Variants in C1QTNF3 observed in about 807,000 individuals in gnomAD.
C1QTNF3 encodes the protein C1q and TNF related 3.
A neutral mutation model predicts 32.6 loss-of-function variants in C1QTNF3; 26 were observed. The observed-to-expected ratio is 0.80, with a 90% CI of 0.58 to 1.11. The LOEUF (loss-of-function observed/expected upper bound fraction) is 1.11, where lower values mean the gene tolerates loss of function less well. Among genes scored for constraint, C1QTNF3 ranks in the 50% least tolerant of loss-of-function variants. The pLI is 0.00. For missense variants in C1QTNF3, 362 were observed against 398.2 expected (o/e 0.91, Z 0.77); for synonymous variants, 155 against 146.0 (o/e 1.06, Z -0.44).
chr5:34,214,790 C>T, the C1QTNF3 span, among the ~76,000 whole-genome samples: 1 of 152,130 alleles, frequency 6.6e-6, no homozygotes. Context: ...ATTGTAAATG[C>T]ATTATAACTT....
chr5:34,037,817 G>A (rs1754778046), intron 1 of C1QTNF3, among the ~76,000 whole-genome samples: 1 of 152,116 alleles, frequency 6.6e-6, no homozygotes, highest in Non-Finnish European at 1.5e-5. Flanking sequence ...AAGACACCAC[G>A]GCACACCCCA....
At chr5:34,221,109 G>C in the C1QTNF3 span, among the ~76,000 whole-genome samples, 1 of 151,972 alleles carries the variant, frequency 6.6e-6, no homozygotes, top group Non-Finnish European at 1.5e-5. Context: ...TTTTTTCTTA[G>C]CTCTTGTAAA....
the C1QTNF3 span, among the ~76,000 whole-genome samples, chr5:34,202,771 G>A: frequency 1.3e-5 from 2 of 151,978 alleles, no homozygotes; most frequent in Non-Finnish European, 2.9e-5. Context: ...CATACTTTGG[G>A]AAGCATTGCA....
intron 4 of C1QTNF3, 92 bp from the exon 5 acceptor site, chr5:34,024,100 T>C: frequency 1.2e-6 from 1 of 865,876 alleles, no homozygotes; most frequent in Admixed American, 2.0e-5. Context: ...TGCCTTCACA[T>C]GTCTTTTATT....
At chr5:34,046,259 C>T (rs1754984560), upstream of C1QTNF3, among the ~76,000 whole-genome samples, 1 of 152,168 alleles carries the variant, frequency 6.6e-6, no homozygotes, top group Non-Finnish European at 1.5e-5. Context: ...AGCTCCTGAA[C>T]CTCTTCTGGT....
chr5:34,213,696 A>ATATATATATATGTG, the C1QTNF3 span, among the ~76,000 whole-genome samples: 26 of 127,056 alleles, frequency 2.0e-4, no homozygotes, highest in East Asian at 2.4e-4. Flanking sequence ...GTGTGTGTGT[A>ATATATATATATGTG]TATATATATG....
chr5:34,158,764 G>A, the C1QTNF3 span: 15 of 151,630 alleles, frequency 9.9e-5, no homozygotes, highest in Admixed American at 9.2e-4. Context: ...ACCCATTTAG[G>A]GAATAATCTA....
At chr5:34,108,108 A>G in the C1QTNF3 span, among the ~76,000 whole-genome samples, 5 of 152,120 alleles carry the variant, frequency 3.3e-5, no homozygotes, top group African/African-American at 1.2e-4. Context: ...CTAGAAATCT[A>G]TTTCACTACC....
chr5:34,210,398 T>C, the C1QTNF3 span, among the ~76,000 whole-genome samples: 3 of 152,086 alleles, frequency 2.0e-5, no homozygotes, highest in African/African-American at 4.8e-5. Context: ...TTTATTCATT[T>C]TTGTAATAAT....
the C1QTNF3 span, among the ~76,000 whole-genome samples, chr5:34,177,186 C>T: frequency 9.0e-4 from 137 of 151,708 alleles, 1 homozygote; most frequent in Middle Eastern, 0.01. Flanking sequence ...GAGGCTGTCT[C>T]AAAAAAAAAT....
chr5:34,210,367 TG>T, the C1QTNF3 span, among the ~76,000 whole-genome samples: 2 of 152,200 alleles, frequency 1.3e-5, no homozygotes, highest in East Asian at 3.9e-4. Context: ...GAGTACGGTT[TG>T]ACCTAGACAA....
At chr5:34,162,710 A>G in the C1QTNF3 span, among the ~76,000 whole-genome samples, 5 of 152,208 alleles carry the variant, frequency 3.3e-5, no homozygotes, top group Non-Finnish European at 5.9e-5. Context: ...GTAATGGTTT[A>G]TCTGAGCAGG....
intron 2 of C1QTNF3, among the ~76,000 whole-genome samples, chr5:34,034,072 C>CA (rs1754680135): frequency 6.6e-6 from 1 of 152,148 alleles, no homozygotes; most frequent in African/African-American, 2.4e-5. Context: ...GAGACTGAGG[C>CA]AGGATGACCT....
chr5:34,056,805 C>G, the C1QTNF3 span, among the ~76,000 whole-genome samples: 35 of 151,988 alleles, frequency 2.3e-4, no homozygotes, highest in Non-Finnish European at 1.0e-4. Flanking sequence ...GTCTCGCACC[C>G]GGCCATGACT....
At chr5:34,156,503 C>G in the C1QTNF3 span, among the ~76,000 whole-genome samples, 4 of 152,274 alleles carry the variant, frequency 2.6e-5, no homozygotes, top group African/African-American at 9.6e-5. Context: ...AATAGCATGT[C>G]TAATACTATG....
the C1QTNF3 span, among the ~76,000 whole-genome samples, chr5:34,114,995 T>G: frequency 1.1e-4 from 17 of 152,268 alleles, no homozygotes; most frequent in African/African-American, 4.1e-4. Context: ...AATAAAAAAA[T>G]TTATTCAATA....
the C1QTNF3 span, among the ~76,000 whole-genome samples, chr5:34,102,798 G>A: frequency 6.0e-3 from 897 of 148,564 alleles, no homozygotes; most frequent in African/African-American, 0.022. Context: ...TGAACAATGA[G>A]AACACTTGGG....
chr5:34,023,792 T>C, intron 5 of C1QTNF3, 117 bp downstream of exon 5: 1 of 661,636 alleles, frequency 1.5e-6, no homozygotes, highest in Non-Finnish European at 2.6e-6. Flanking sequence ...AGGGCTCTTA[T>C]TAAGGATAGG....
the C1QTNF3 span, among the ~76,000 whole-genome samples, chr5:34,137,140 G>T: frequency 9.2e-6 from 1 of 108,682 alleles, no homozygotes; most frequent in African/African-American, 3.2e-5. Context: ...AGAACTTAAA[G>T]TATAATTAAA....
Sources: allele counts gnomAD v4.1 joint callset (sites outside exome capture counted in the v4.1 genomes callset), GRCh38; gene constraint gnomAD v4.1.1; transcripts MANE v1.5; gene names NCBI Gene and HGNC (gene_info 2026-07-23, HGNC 2026-07-21).